Variants in DOCK1 observed in about 807,000 individuals in gnomAD.
The protein encoded by DOCK1 is dedicator of cytokinesis 1.
DOCK1 carries 138 observed loss-of-function variants against 262.7 expected under a neutral mutation model. The observed-to-expected ratio is 0.53, with a 90% CI of 0.46 to 0.61. The LOEUF (loss-of-function observed/expected upper bound fraction) is 0.61, where lower values mean the gene tolerates loss of function less well. Ranked by LOEUF, DOCK1 falls within the 20% of genes least tolerant of loss-of-function variation. The pLI is 0.00. For synonymous variants in DOCK1, 866 were observed against 867.4 expected, an observed-to-expected ratio of 1.00 and a Z score of 0.03; for missense variants, 1,908 against 2,370.7, an observed-to-expected ratio of 0.80 and a Z score of 4.05.
chr10:127,260,269 T>A (rs2059975779), intron 29 of DOCK1, among the ~76,000 whole-genome samples: 1 of 152,162 alleles, frequency 6.6e-6, no homozygotes, highest in Non-Finnish European at 1.5e-5. Context: ...ACAGGGAAAC[T>A]CTGGGGAGAA....
chr10:127,035,411 G>A (rs894956732), intron 18 of DOCK1, among the ~76,000 whole-genome samples: 2 of 152,130 alleles, frequency 1.3e-5, no homozygotes, highest in Non-Finnish European at 2.9e-5. Context: ...TGTGAGTCCC[G>A]GTAATAAGGG....
rs114976746 is a variant in DOCK1 at position 127,087,595 on chromosome 10, C to T, written c.2446-18636C>T. On this transcript the variant is annotated intron_variant, in intron 23 of 51. Coordinates refer to ENST00000623213, the MANE Select transcript of DOCK1 (RefSeq NM_001290223.2). Reference sequence around the variant, plus strand: ...CGAGGGAGACTCCTTAAAGTTAGACCACAGTCCCCATTCTCAAGAAACATC... The same window carrying T: ...CGAGGGAGACTCCTTAAAGTTAGACTACAGTCCCCATTCTCAAGAAACATC... 3.8e-3 allele frequency among the ~76,000 whole-genome samples: 584 copies of T among 152,184 alleles called. 3 individuals carry two copies. The highest frequency in any genetic ancestry group is 0.013 in the African/African-American group (554 of 41,520).
Position 127,038,632 on chromosome 10 carries a change from G to A in DOCK1, c.2010+816G>A, listed in dbSNP as rs114640047. ...CGACACTGAGAGGCTTGCCTGGGCCGTCTTCTTCCCACGGGACGCTCTGCA... is the reference window on the plus strand; with the variant it reads ...CGACACTGAGAGGCTTGCCTGGGCCATCTTCTTCCCACGGGACGCTCTGCA... On this transcript the variant is annotated intron_variant, in intron 19 of 51. Transcript: ENST00000623213. Among the ~76,000 whole-genome samples, 622 of 152,298 alleles carry A rather than the reference G, an allele frequency of 4.1e-3. 1 individual carries two copies. Among genetic ancestry groups the A allele is most frequent in the African/African-American group, 0.014 (598 of 41,572 alleles).
At chr10:126,946,846 A>G (rs2035449928) in intron 1 of DOCK1, among the ~76,000 whole-genome samples, 2 of 152,218 alleles carry the variant, frequency 1.3e-5, no homozygotes, top group South Asian at 2.1e-4. Flanking sequence ...TCTTCCCAGC[A>G]TTTGACTGTT....
chr10:126,911,877 G>A (rs527992552), intron 1 of DOCK1, among the ~76,000 whole-genome samples: 3 of 152,326 alleles, frequency 2.0e-5, no homozygotes, highest in South Asian at 2.1e-4. Context: ...GATGGGAAGT[G>A]CTTTGGAGCT....
intron 47 of DOCK1, among the ~76,000 whole-genome samples, chr10:127,427,556 A>T (rs2068901313): frequency 6.6e-6 from 1 of 152,198 alleles, no homozygotes; most frequent in African/African-American, 2.4e-5. Context: ...TCAAGGAAAC[A>T]GGGACATGGG....
At chr10:127,105,681 T>C (rs1451753276) in intron 23 of DOCK1, among the ~76,000 whole-genome samples, 11 of 152,202 alleles carry the variant, frequency 7.2e-5, no homozygotes, top group Non-Finnish European at 1.5e-4. Flanking sequence ...AAGTGTTGGC[T>C]TCTGTTAATA....
At chr10:127,290,255 G>A (rs550973972) in intron 29 of DOCK1, among the ~76,000 whole-genome samples, 52 of 152,000 alleles carry the variant, frequency 3.4e-4, no homozygotes, top group Non-Finnish European at 4.6e-4. Context: ...TTGAAGGTAC[G>A]ATGATGTTAT....
At chr10:126,965,389 G>A (rs1248973213) in intron 1 of DOCK1, among the ~76,000 whole-genome samples, 2 of 152,176 alleles carry the variant, frequency 1.3e-5, no homozygotes, top group East Asian at 1.9e-4. Context: ...TTGTGTGCTG[G>A]AGAAATGAGC....
intron 1 of DOCK1, among the ~76,000 whole-genome samples, chr10:126,914,709 A>C (rs1350807839): frequency 6.6e-6 from 1 of 152,214 alleles, no homozygotes; most frequent in Non-Finnish European, 1.5e-5. Flanking sequence ...ACTTAGGTGT[A>C]TTTATGTAAC....
At chr10:127,009,466 T>C (rs2041268025) in intron 11 of DOCK1, among the ~76,000 whole-genome samples, 1 of 151,892 alleles carries the variant, frequency 6.6e-6, no homozygotes, top group African/African-American at 2.4e-5. Context: ...GAAGCAAGAG[T>C]GTACCCAGAT....
At chr10:127,114,573 T>A (rs758725019) in intron 25 of DOCK1, among the ~76,000 whole-genome samples, 2 of 151,940 alleles carry the variant, frequency 1.3e-5, no homozygotes, top group Non-Finnish European at 2.9e-5. Context: ...ATCATTCCTG[T>A]TTTCTGGAAA....
chr10:127,018,045 C>T (rs934871181), intron 12 of DOCK1, among the ~76,000 whole-genome samples: 1 of 152,204 alleles, frequency 6.6e-6, no homozygotes, highest in African/African-American at 2.4e-5. Context: ...CCCCTGGCAT[C>T]TAGGTTTAGA....
rs765460396 is a variant in DOCK1, at chr10:127,100,288, C to CG, written c.2446-5937dup. 1.1e-4 allele frequency among the ~76,000 whole-genome samples: 17 copies of CG among 152,088 alleles called. No homozygotes were observed. The highest frequency in any genetic ancestry group is 3.9e-4 in the East Asian group (2 of 5,154). ...CGTGCGGCCCAGGTGCTGTTTGTTCCGGGGGGAGTTAACAGCCTGAACCGA... is the reference window on the plus strand; with the variant it reads ...CGTGCGGCCCAGGTGCTGTTTGTTCCGGGGGGGAGTTAACAGCCTGAACCGA... On this transcript the variant is annotated intron_variant, in intron 23 of 51. Transcript: ENST00000623213. This position sits in a 1 kb window ranked among gnomAD's most constrained non-coding sequence, Gnocchi z 5.5.
chr10:127,200,021 T>C (rs2057382461), intron 27 of DOCK1, among the ~76,000 whole-genome samples: 2 of 152,314 alleles, frequency 1.3e-5, no homozygotes, highest in South Asian at 4.1e-4. Context: ...AACTTCCTTC[T>C]TTAGGAGACT....
chr10:127,272,892 A>G (rs1378575425), intron 29 of DOCK1, among the ~76,000 whole-genome samples: 1 of 152,204 alleles, frequency 6.6e-6, no homozygotes, highest in Non-Finnish European at 1.5e-5. Context: ...GACATTCACT[A>G]TCAAGAGGAA....
At chr10:127,195,267 C>G (rs905259341) in intron 27 of DOCK1, among the ~76,000 whole-genome samples, 6 of 152,174 alleles carry the variant, frequency 3.9e-5, no homozygotes, top group Non-Finnish European at 8.8e-5. Context: ...CGCGGGCTCC[C>G]TCCTCCCTCC....
At chr10:127,407,814 C>T (rs1285432046) in intron 40 of DOCK1, among the ~76,000 whole-genome samples, 1 of 152,004 alleles carries the variant, frequency 6.6e-6, no homozygotes, top group Non-Finnish European at 1.5e-5. Context: ...GCAACCACGC[C>T]CCGTCCTGGA....
intron 1 of DOCK1, among the ~76,000 whole-genome samples, chr10:126,952,111 G>A (rs1433697837): frequency 1.3e-5 from 2 of 152,016 alleles, no homozygotes; most frequent in African/African-American, 2.4e-5. Flanking sequence ...GCCTCCCAGA[G>A]GGGTGGGATT....
Sources: gnomAD v4.1 joint callset for allele counts (sites outside exome capture counted in the v4.1 genomes callset) on GRCh38, gnomAD v4.1.1 for gene constraint, Gnocchi (gnomAD v3.1) non-coding constraint, MANE v1.5 for transcripts, NCBI Gene and HGNC (gene_info 2026-07-23, HGNC 2026-07-21) for gene names.